The following WIPF1 variants were observed in gnomAD, a reference collection of about 807,000 sequenced individuals.
WIPF1 encodes WAS/WASL interacting protein family member 1, also known as WAS/WASL-interacting protein family member 1.
Under a neutral mutation model 35.4 loss-of-function variants are expected in WIPF1, and 13 were observed. The ratio of observed to expected loss-of-function variants is 0.37; its 90% CI spans 0.24 to 0.58. The LOEUF is 0.58. Among genes scored for constraint, WIPF1 ranks in the 20% least tolerant of loss-of-function variants. The pLI, the probability that WIPF1 is intolerant of heterozygous loss-of-function variation, is 0.74. For synonymous variants in WIPF1, 267 were observed against 266.3 expected (o/e 1.00, Z -0.02); for missense variants, 591 against 667.0 (o/e 0.89, Z 1.25).
chr2:174,629,276 T>TA (rs1179899485), intron 1 of WIPF1, among the ~76,000 whole-genome samples: 1 of 152,246 alleles, frequency 6.6e-6, no homozygotes, highest in Non-Finnish European at 1.5e-5. Flanking sequence ...CAGGATCTTA[T>TA]AAAAAACATT....
intron 1 of WIPF1, among the ~76,000 whole-genome samples, chr2:174,638,986 GTTTCTTT>G (rs1386293355): frequency 6.6e-6 from 1 of 151,956 alleles, no homozygotes; most frequent in Non-Finnish European, 1.5e-5. Flanking sequence ...TTGTTCATTT[GTTTCTTT>G]TTTCTTTTTT....
intron 1 of WIPF1, among the ~76,000 whole-genome samples, chr2:174,614,989 A>G (rs1333549182): frequency 1.3e-5 from 2 of 152,262 alleles, no homozygotes; most frequent in Non-Finnish European, 2.9e-5. Context: ...CATAAGTAAC[A>G]TGGAGAAGTT....
At chr2:174,623,179 ATTAG>A (rs765311154) in intron 1 of WIPF1, among the ~76,000 whole-genome samples, 15 of 152,230 alleles carry the variant, frequency 9.9e-5, no homozygotes, top group African/African-American at 1.2e-4. Flanking sequence ...TGTAGTGTGT[ATTAG>A]TTAGTCTATT....
intron 1 of WIPF1, among the ~76,000 whole-genome samples, chr2:174,637,244 TTTTTTG>T (rs1162079856): frequency 1.3e-5 from 2 of 152,122 alleles, no homozygotes; most frequent in Non-Finnish European, 2.9e-5. Flanking sequence ...TTTTTTTTTC[TTTTTTG>T]TTTTTAAGTA....
At chr2:174,574,963 A>AG in intron 4 of WIPF1, 1 of 736,874 alleles carries the variant, frequency 1.4e-6, no homozygotes, top group East Asian at 2.7e-5. Context: ...TAAAAAAAAA[A>AG]AAATGTACAG....
intron 1 of WIPF1, among the ~76,000 whole-genome samples, chr2:174,618,904 C>T (rs956329349): frequency 1.3e-5 from 2 of 152,120 alleles, no homozygotes; most frequent in Admixed American, 6.6e-5. Flanking sequence ...TCACAATTAG[C>T]ATTTTCCTTG....
At chr2:174,574,594 GT>G (rs1684984915) in intron 4 of WIPF1, 2 of 356,544 alleles carry the variant, frequency 5.6e-6, no homozygotes, top group Non-Finnish European at 1.0e-5. Context: ...CCTCTGCAAA[GT>G]TTTTTATCTA....
Position 174,571,305 on chromosome 2 carries a change from A to G in WIPF1, c.1129+371T>C. ...TGGAATAACAGAGCCCTCCTGCGGG[A>G]GGTGGGGACTTATTTTCCCAATTAA... On this transcript the variant is annotated intron_variant, in intron 5 of 7. Transcript: ENST00000679041. This position sits in a 1 kb window ranked among gnomAD's most constrained non-coding sequence, Gnocchi z 4.6. 2.1e-6 allele frequency: 1 copy of G among 484,370 alleles called. No homozygotes were observed. Among genetic ancestry groups the G allele is most frequent in the East Asian group, 3.8e-5 (1 of 26,282 alleles). 30.0% of individuals were successfully genotyped at this position (484,370 alleles called of 1,614,324 possible). A position where few individuals can be genotyped will look rare whatever the true frequency, so the allele number is the denominator to read the frequency against.
chr2:174,562,749 T>A, intron 7 of WIPF1, 147 bp from the exon 8 acceptor site: 1 of 1,062,938 alleles, frequency 9.4e-7, no homozygotes, highest in Non-Finnish European at 1.4e-6. Context: ...GGATGAGAAG[T>A]GAGAGGTGAA....
Position 174,628,706 on chromosome 2 carries a change from A to AT in WIPF1, c.-38-43096dup, listed in dbSNP as rs558595074. Among the ~76,000 whole-genome samples, 9 of 152,078 alleles carry AT rather than the reference A, an allele frequency of 5.9e-5. No homozygotes were observed. In the South Asian group the frequency reaches 1.9e-3, roughly 32 times the overall value. ...TCCCAAGTCCTTGGGGCCCTTCAACATTTCCCCCTTATGTCACCAGTGTGT... is the reference window on the plus strand; with the variant it reads ...TCCCAAGTCCTTGGGGCCCTTCAACATTTTCCCCCTTATGTCACCAGTGTGT... On this transcript the variant is annotated intron_variant, in intron 1 of 8. Coordinates refer to the WIPF1 transcript ENST00000272746.
chr2:174,571,496 C>A lies in WIPF1; in HGVS notation c.1129+180G>T. ...CTAAAACACCAACAGAAATATTGGT[C>A]CCACTTTCCCCCGGGGTTTACACGA... On this transcript the variant is annotated intron_variant, in intron 5 of 7. Transcript: ENST00000679041. This position sits in a 1 kb window ranked among gnomAD's most constrained non-coding sequence, Gnocchi z 4.6. 1 of 786,494 alleles carries A rather than the reference C, an allele frequency of 1.3e-6. No homozygotes were observed. Among genetic ancestry groups the A allele is most frequent in the South Asian group, 1.5e-5 (1 of 64,718 alleles). The allele number at this position is 786,494 out of a possible 1,614,324, so 48.7% of individuals were successfully genotyped here.
intron 1 of WIPF1, among the ~76,000 whole-genome samples, chr2:174,596,981 TTAAACA>T (rs1399052752): frequency 2.0e-5 from 3 of 152,228 alleles, no homozygotes; most frequent in Admixed American, 2.0e-4. Flanking sequence ...ATTAATCATA[TTAAACA>T]TAAAGTTATA....
intron 1 of WIPF1, among the ~76,000 whole-genome samples, chr2:174,615,393 G>T (rs554908867): frequency 6.6e-6 from 1 of 152,054 alleles, no homozygotes; most frequent in East Asian, 1.9e-4. Flanking sequence ...ATGTAGCATG[G>T]TTATGTATTT....
At chr2:174,658,809 G>GA (rs958144704) in intron 1 of WIPF1, among the ~76,000 whole-genome samples, 2 of 151,526 alleles carry the variant, frequency 1.3e-5, no homozygotes, top group Admixed American at 1.3e-4. Flanking sequence ...GTTTCTGCTT[G>GA]AAAAAAATGA....
At chr2:174,587,166 C>A (rs1421792261) in intron 1 of WIPF1, among the ~76,000 whole-genome samples, 1 of 151,956 alleles carries the variant, frequency 6.6e-6, no homozygotes, top group Non-Finnish European at 1.5e-5. Context: ...TATGCCACCA[C>A]GCCTGGCTAA....
At chr2:174,660,466 C>T (rs922077546) in intron 1 of WIPF1, among the ~76,000 whole-genome samples, 2 of 152,128 alleles carry the variant, frequency 1.3e-5, no homozygotes. Flanking sequence ...GTCAACATTC[C>T]CAGGGCAGAG....
At chr2:174,611,088 T>C (rs1197201820) in intron 1 of WIPF1, among the ~76,000 whole-genome samples, 1 of 152,188 alleles carries the variant, frequency 6.6e-6, no homozygotes, top group Non-Finnish European at 1.5e-5. Flanking sequence ...TGTTCCAAGG[T>C]TGCTTTAGGG....
chr2:174,677,110 C>T (rs1008846218), intron 1 of WIPF1: 2 of 151,882 alleles, frequency 1.3e-5, no homozygotes, highest in African/African-American at 2.4e-5. Context: ...ACTGATGGCA[C>T]CACTGCACTC....
At chr2:174,606,880 A>G (rs1686180929) in intron 1 of WIPF1, among the ~76,000 whole-genome samples, 1 of 152,190 alleles carries the variant, frequency 6.6e-6, no homozygotes, top group South Asian at 2.1e-4. Context: ...AATACTGGCG[A>G]CTGAGTAATT....
Sources: allele counts gnomAD v4.1 joint callset (sites outside exome capture counted in the v4.1 genomes callset), GRCh38; gene constraint gnomAD v4.1.1; non-coding constraint Gnocchi (gnomAD v3.1); transcripts MANE v1.5; gene names NCBI Gene and HGNC (gene_info 2026-07-23, HGNC 2026-07-21).